XIRP2: variants seen among roughly 807,000 people sequenced by gnomAD.
The protein encoded by XIRP2 is xin actin-binding repeat-containing protein 2.
A neutral mutation model predicts 277.0 loss-of-function variants in XIRP2; 236 were observed. The observed-to-expected ratio is 0.85, with a 90% CI of 0.77 to 0.95. The LOEUF is 0.95. Among genes scored for constraint, XIRP2 ranks in the 40% least tolerant of loss-of-function variants. XIRP2 has a pLI of 0.00. For synonymous variants in XIRP2, 1,490 were observed against 1,416.5 expected (o/e 1.05, Z -1.17); for missense variants, 4,640 against 4,157.5 (o/e 1.12, Z -3.19).
At chr2:167,214,705 T>A (rs1694191848) in intron 4 of XIRP2, among the ~76,000 whole-genome samples, 1 of 151,900 alleles carries the variant, frequency 6.6e-6, no homozygotes, top group Non-Finnish European at 1.5e-5. Context: ...TAGCTGGAAT[T>A]ACAGGCATGT....
rs371573679 is a variant in XIRP2 at position 167,248,580 on chromosome 2, T to C, written c.7188T>C (p.Tyr2396=). Residue 2396 remains tyrosine (Y), a synonymous_variant, in exon 9 of 11, where the codon TAT becomes TAC. Coordinates refer to ENST00000409195, the MANE Select transcript of XIRP2 (RefSeq NM_152381.6). ...ACAGTGGAGACTTCATGCAACAATA[T>C]TCCCAAAAAGAAGCCTCGAACTCTC... The part of the protein sequence containing the change: ...EKHSGDFMQQ[Y]SQKEASNSQN... The C allele has an allele frequency of 6.2e-7, 1 of 1,613,726 alleles. No individual in the cohort carries two copies. The highest frequency in any genetic ancestry group is 8.5e-7 in the Non-Finnish European group (1 of 1,179,820).
At chr2:167,256,773 T>C (rs1261260595) in intron 10 of XIRP2, among the ~76,000 whole-genome samples, 4 of 151,962 alleles carry the variant, frequency 2.6e-5, no homozygotes, top group Non-Finnish European at 5.9e-5. Flanking sequence ...GCTACCTCTT[T>C]TAGTTTTCAT....
At chr2:167,227,252 A>G (rs1305170411) in intron 5 of XIRP2, among the ~76,000 whole-genome samples, 1 of 152,214 alleles carries the variant, frequency 6.6e-6, no homozygotes, top group South Asian at 2.1e-4. Context: ...ACTGTGAAGA[A>G]TCCAGAGAAA....
Position 167,243,944 on chromosome 2 carries a change from A to C in XIRP2, c.2552A>C (p.Asp851Ala), listed in dbSNP as rs761140990. The change falls in exon 9 of 11, where the codon GAC (aspartate) becomes GCC (alanine). Residue 851 changes from aspartate (D) to alanine (A), a missense_variant. Asp to Ala is a moderately radical substitution (Grantham distance 126). Coordinates refer to ENST00000409195, the MANE Select transcript of XIRP2 (RefSeq NM_152381.6). Reference sequence around the variant, plus strand: ...TGGATGTTTGAAACCCAGCCATTAGACATTCTAAAAGAAGTTCCTGATGCA... The same window carrying C: ...TGGATGTTTGAAACCCAGCCATTAGCCATTCTAAAAGAAGTTCCTGATGCA... ...KCWMFETQPL[D>A]ILKEVPDADS... 7 of 1,613,942 alleles carry C rather than the reference A, an allele frequency of 4.3e-6. No individual in the cohort carries two copies. The highest frequency in any genetic ancestry group is 5.9e-6 in the Non-Finnish European group (7 of 1,179,972).
chr2:166,999,927 AT>A (rs932417702), intron 2 of XIRP2, among the ~76,000 whole-genome samples: 26 of 152,274 alleles, frequency 1.7e-4, no homozygotes, highest in Admixed American at 9.8e-4. Context: ...TAAGAAAAAA[AT>A]ATTTATCCTG....
intron 1 of XIRP2, among the ~76,000 whole-genome samples, chr2:166,894,370 C>T (rs904348476): frequency 2.6e-5 from 4 of 152,110 alleles, no homozygotes; most frequent in African/African-American, 4.8e-5. Flanking sequence ...GGAATCCTAA[C>T]GTGAATGTCA....
chr2:167,250,133 A>C lies in XIRP2; in HGVS notation c.8741A>C (p.Lys2914Thr), dbSNP rs1695432404. 1.2e-6 allele frequency: 2 copies of C among 1,613,190 alleles called. No homozygotes were observed. The highest frequency in any genetic ancestry group is 1.7e-6 in the Non-Finnish European group (2 of 1,179,612). The change falls in exon 9 of 11, where the codon AAA becomes ACA. Residue 2914 changes from lysine to threonine, a missense_variant. Coordinates refer to ENST00000409195, the MANE Select transcript of XIRP2 (RefSeq NM_152381.6). ...GAGAAACAAGTCTTCTCTAATACTA[A>C]AGATTCAAAGCAAGAGATTACACAG... The part of the protein sequence containing the change: ...IQEKQVFSNT[K>T]DSKQEITQNK...
At chr2:166,932,926 G>A (rs933418861) in intron 2 of XIRP2, among the ~76,000 whole-genome samples, 9 of 151,906 alleles carry the variant, frequency 5.9e-5, no homozygotes, top group African/African-American at 1.5e-4. Context: ...AACCAATATC[G>A]CACTATCTTC....
chr2:167,009,468 C>T (rs564313368), intron 2 of XIRP2, among the ~76,000 whole-genome samples: 7 of 151,676 alleles, frequency 4.6e-5, no homozygotes, highest in African/African-American at 1.4e-4. Flanking sequence ...GTATCATTGT[C>T]GGACATTGGG....
chr2:167,007,691 T>G (rs574489785), intron 2 of XIRP2, among the ~76,000 whole-genome samples: 1 of 117,388 alleles, frequency 8.5e-6, no homozygotes, highest in South Asian at 2.9e-4. Flanking sequence ...TCTCTCTCTC[T>G]CTCTCTCTCT....
At position 167,251,672 on chromosome 2, in the gene XIRP2, G is replaced by A. The variant is rs1023945699; in HGVS notation, c.10280G>A (p.Ser3427Asn). 4 of 1,613,318 alleles carry A rather than the reference G, an allele frequency of 2.5e-6. No individual in the cohort carries two copies. Among genetic ancestry groups the A allele is most frequent in the Middle Eastern group, 1.6e-4 (1 of 6,072 alleles). Residue 3427 changes from serine to asparagine, a missense_variant, in exon 9 of 11, where the codon AGT becomes AAT. Ser to Asn is a conservative substitution (Grantham distance 46, BLOSUM62 1). Coordinates refer to ENST00000409195, the MANE Select transcript of XIRP2 (RefSeq NM_152381.6). ...TTCTCAGGCATGGATGCATTTGAGA[G>A]TCAAATTGTTGAGTCGAAGATGAAA... ...EHFSGMDAFE[S>N]QIVESKMKTS...
intron 2 of XIRP2, among the ~76,000 whole-genome samples, chr2:166,940,276 T>C (rs917891796): frequency 6.6e-6 from 1 of 152,256 alleles, no homozygotes; most frequent in Non-Finnish European, 1.5e-5. Flanking sequence ...GTAGTTCTCA[T>C]GCCATGGTTT....
chr2:167,074,241 T>C (rs1418437800), intron 2 of XIRP2, among the ~76,000 whole-genome samples: 2 of 152,100 alleles, frequency 1.3e-5, no homozygotes, highest in South Asian at 4.1e-4. Flanking sequence ...AGGATAAATA[T>C]GTACAGTATA....
Position 167,247,801 on chromosome 2 carries a change from G to A in XIRP2, c.6409G>A (p.Glu2137Lys). 5 of 1,613,202 alleles carry A rather than the reference G, an allele frequency of 3.1e-6. No individual in the cohort carries two copies. The highest frequency in any genetic ancestry group is 4.2e-6 in the Non-Finnish European group (5 of 1,179,646). ...YELRNDHQKMEGFHIKSPKKT... is the reference protein window; with the variant it reads ...YELRNDHQKMKGFHIKSPKKT... ...ACTGAGAAATGACCACCAGAAAATG[G>A]AGGGTTTTCATATAAAGAGTCCTAA... Residue 2137 changes from glutamate to lysine, a missense_variant, in exon 9 of 11, where the codon GAG becomes AAG. By Grantham distance (56) the Glu-to-Lys change is moderately conservative (BLOSUM62 1). Transcript: ENST00000409195.
chr2:167,210,979 A>T, intron 4 of XIRP2, 84 bp downstream of exon 4: 1 of 1,515,480 alleles, frequency 6.6e-7, no homozygotes, highest in South Asian at 1.2e-5. Context: ...ATGTAAGAAT[A>T]CTACTGGACA....
chr2:167,015,252 T>G (rs986878498), intron 2 of XIRP2, among the ~76,000 whole-genome samples: 6 of 151,858 alleles, frequency 4.0e-5, no homozygotes, highest in Non-Finnish European at 8.8e-5. Flanking sequence ...GTAGAAAATT[T>G]AAAAGTTCAT....
intron 3 of XIRP2, among the ~76,000 whole-genome samples, chr2:167,141,485 A>G (rs183201705): frequency 1.4e-4 from 22 of 152,332 alleles, no homozygotes; most frequent in African/African-American, 5.0e-4. Context: ...AGCAAGTGCT[A>G]TAGAAAACAT....
chr2:167,088,493 C>A (rs1019051464), intron 2 of XIRP2, among the ~76,000 whole-genome samples: 2 of 152,180 alleles, frequency 1.3e-5, no homozygotes, highest in African/African-American at 4.8e-5. Flanking sequence ...CTCCACATTA[C>A]AGCCAGGATG....
rs200265480 is a variant in XIRP2 at position 167,181,448 on chromosome 2, CTT to C, written c.563-29285_563-29284del. Among the ~76,000 whole-genome samples, 1,105 of 152,326 alleles carry C rather than the reference CTT, an allele frequency of 7.3e-3. 50 individuals are homozygous for C. The highest frequency in any genetic ancestry group is 0.066 in the Admixed American group (1,011 of 15,284). On this transcript the variant is annotated intron_variant, in intron 3 of 10. Transcript: ENST00000409195. ...CATATCTTCTCCAACTCCTCTTCCTCTTTGTCTTCTTCAAATTCTTGTTTTTC... is the reference window on the plus strand; with the variant it reads ...CATATCTTCTCCAACTCCTCTTCCTCTGTCTTCTTCAAATTCTTGTTTTTC...
Sources: gnomAD v4.1 joint callset for allele counts (sites outside exome capture counted in the v4.1 genomes callset) on GRCh38, gnomAD v4.1.1 for gene constraint, MANE v1.5 for transcripts, NCBI Gene and HGNC (gene_info 2026-07-23, HGNC 2026-07-21) for gene names.